The following RAB5C variants were observed in gnomAD, a reference collection of about 807,000 sequenced individuals.
RAB5C encodes RAB5C, member RAS oncogene family, also known as ras-related protein Rab-5C.
In RAB5C, 4 loss-of-function variants were observed where a neutral mutation model predicts 25.2. The observed-to-expected ratio is 0.16, with a 90% CI of 0.08 to 0.36. The LOEUF (loss-of-function observed/expected upper bound fraction) is 0.36. Among genes scored for constraint, RAB5C ranks in the 10% least tolerant of loss-of-function variants. RAB5C has a pLI of 1.00. For synonymous variants in RAB5C, 100 were observed against 106.4 expected, an observed-to-expected ratio of 0.94 and a Z score of 0.37; for missense variants, 199 against 283.8, an observed-to-expected ratio of 0.70 and a Z score of 2.15.
intron 1 of RAB5C, among the ~76,000 whole-genome samples, chr17:42,151,211 C>T (rs1041595670): frequency 1.3e-5 from 2 of 152,182 alleles, no homozygotes; most frequent in African/African-American, 2.4e-5. Flanking sequence ...CCAGGGTGGG[C>T]GGATCACGAG....
intron 1 of RAB5C, chr17:42,154,578 C>G (rs943201772): frequency 2.6e-5 from 4 of 152,250 alleles, no homozygotes; most frequent in Non-Finnish European, 5.9e-5. Context: ...GGGACAGGTT[C>G]CTTCACACCT....
intron 1 of RAB5C, among the ~76,000 whole-genome samples, chr17:42,154,445 A>G (rs1400437243): frequency 6.6e-6 from 1 of 150,710 alleles, no homozygotes; most frequent in Admixed American, 6.6e-5. Context: ...CACCCAGACG[A>G]CCCCCCTCCC....
chr17:42,151,420 G>A (rs533197644), intron 1 of RAB5C, among the ~76,000 whole-genome samples: 21 of 151,776 alleles, frequency 1.4e-4, no homozygotes, highest in Non-Finnish European at 2.6e-4. Context: ...CTAGGCGACA[G>A]AGCGAGACTC....
chr17:42,141,736 A>T (rs894606860), intron 1 of RAB5C, among the ~76,000 whole-genome samples: 7 of 152,124 alleles, frequency 4.6e-5, no homozygotes, highest in Non-Finnish European at 1.0e-4. Context: ...ATTTCCTCAC[A>T]CGTAAAATGG....
chr17:42,128,192 G>C, intron 4 of RAB5C, 69 bp downstream of exon 4: 2 of 1,550,944 alleles, frequency 1.3e-6, no homozygotes, highest in Non-Finnish European at 1.7e-6. Flanking sequence ...CAAAGCCCCT[G>C]AGCATCCCAG....
intron 1 of RAB5C, among the ~76,000 whole-genome samples, chr17:42,143,753 A>G (rs1471581516): frequency 6.6e-6 from 1 of 152,166 alleles, no homozygotes; most frequent in African/African-American, 2.4e-5. Flanking sequence ...AAGCTGAAAC[A>G]TTTTGGGCAA....
intron 1 of RAB5C, chr17:42,131,663 A>G: frequency 6.6e-7 from 1 of 1,509,552 alleles, no homozygotes; most frequent in Non-Finnish European, 8.9e-7. Context: ...AAGAGGCAGG[A>G]GGTGTGGGAG....
rs1486680083 is a variant in RAB5C, at chr17:42,125,596, G to T, written c.*187C>A. 20 of 572,370 alleles carry T rather than the reference G, an allele frequency of 3.5e-5. No homozygotes were observed. In the African/African-American group the frequency reaches 3.8e-4, roughly 11 times the overall value. The allele number at this position is 572,370 out of a possible 1,614,324, so 35.5% of individuals were successfully genotyped here. On this transcript the variant is annotated 3_prime_UTR_variant, in exon 6 of 6. Transcript: ENST00000346213. ...AAGACTTAAAATTGAATTAGTATTT[G>T]TACAGAAAGGTGCAGGTGGAATGAC...
chr17:42,130,705 CCCTCA>C, intron 1 of RAB5C, 115 bp from the exon 2 acceptor site: 2 of 1,318,322 alleles, frequency 1.5e-6, no homozygotes, highest in Non-Finnish European at 2.0e-6. Flanking sequence ...TGACTGCTTC[CCCTCA>C]CCTCACCTCC....
intron 1 of RAB5C, among the ~76,000 whole-genome samples, chr17:42,131,989 C>T (rs551607765): frequency 2.2e-4 from 33 of 152,248 alleles, no homozygotes; most frequent in African/African-American, 7.2e-4. Flanking sequence ...TATTAGGCTG[C>T]CCTTTGCATA....
chr17:42,146,593 A>T (rs1390552119), intron 1 of RAB5C, among the ~76,000 whole-genome samples: 9 of 152,182 alleles, frequency 5.9e-5, no homozygotes, highest in African/African-American at 2.2e-4. Context: ...TACTAAAAAT[A>T]TAAAAATTAG....
intron 1 of RAB5C, among the ~76,000 whole-genome samples, chr17:42,149,975 T>C (rs898194999): frequency 6.7e-6 from 1 of 149,944 alleles, no homozygotes; most frequent in African/African-American, 2.5e-5. Flanking sequence ...ACCTCCCAGG[T>C]TGAACTGCCT....
chr17:42,130,638 C>A (rs781242383), intron 1 of RAB5C, 48 bp from the exon 2 acceptor site: 1 of 1,467,358 alleles, frequency 6.8e-7, no homozygotes, highest in South Asian at 1.3e-5. Flanking sequence ...AGGCCGTCAC[C>A]CGCTGTGTCC....
At chr17:42,154,446 C>G (rs1014420686) in intron 1 of RAB5C, among the ~76,000 whole-genome samples, 3 of 152,122 alleles carry the variant, frequency 2.0e-5, no homozygotes, top group Non-Finnish European at 2.9e-5. Context: ...ACCCAGACGA[C>G]CCCCCTCCCC....
chr17:42,128,309 G>C lies in RAB5C; in HGVS notation c.393C>G (p.Leu131=). ...TGGCCAGGTCTGCCTTGTTACCCGC[G>C]AGTGCAATGACGATGTTGGGGCTGG... The part of the protein sequence containing the change: ...RQASPNIVIA[L]AGNKADLASK... The change falls in exon 4 of 6, where the codon CTC becomes CTG. Residue 131 remains leucine, a synonymous_variant. Transcript: ENST00000346213. 6.2e-7 allele frequency: 1 copy of C among 1,614,112 alleles called. No individual in the cohort carries two copies. Among genetic ancestry groups the C allele is most frequent in the Non-Finnish European group, 8.5e-7 (1 of 1,180,004 alleles).
intron 1 of RAB5C, among the ~76,000 whole-genome samples, chr17:42,153,154 AC>A (rs2079682867): frequency 6.6e-6 from 1 of 152,058 alleles, no homozygotes; most frequent in African/African-American, 2.4e-5. Context: ...GGTGGTTCAC[AC>A]CTGTAATCTC....
intron 1 of RAB5C, among the ~76,000 whole-genome samples, chr17:42,154,086 C>G (rs576208252): frequency 6.6e-6 from 1 of 152,092 alleles, no homozygotes; most frequent in Non-Finnish European, 1.5e-5. Flanking sequence ...CCCTTTGAGG[C>G]GGCTGGGAAA....
chr17:42,133,623 T>C (rs1232891615), intron 1 of RAB5C, among the ~76,000 whole-genome samples: 2 of 152,162 alleles, frequency 1.3e-5, no homozygotes, highest in Admixed American at 6.5e-5. Context: ...GGCTAGAGCA[T>C]CTGGCAGAGA....
intron 5 of RAB5C, among the ~76,000 whole-genome samples, 156 bp from the exon 6 acceptor site, chr17:42,126,054 G>A (rs780653682): frequency 6.6e-6 from 1 of 152,164 alleles, no homozygotes; most frequent in African/African-American, 2.4e-5. Context: ...TCAGGAAACT[G>A]CGGCAAAGTA....
Sources: allele counts gnomAD v4.1 joint callset (sites outside exome capture counted in the v4.1 genomes callset), GRCh38; gene constraint gnomAD v4.1.1; transcripts MANE v1.5; gene names NCBI Gene and HGNC (gene_info 2026-07-23, HGNC 2026-07-21).